The following CADM2 variants were observed in gnomAD, a reference collection of about 807,000 sequenced individuals.
CADM2 encodes cell adhesion molecule 2.
In CADM2, 12 loss-of-function variants were observed where a neutral mutation model predicts 49.8. The observed-to-expected ratio is 0.24, with a 90% CI of 0.15 to 0.39. The LOEUF is 0.39. Ranked by LOEUF, CADM2 falls within the 10% of genes least tolerant of loss-of-function variation. The probability of loss-of-function intolerance (pLI) is 1.00; values close to 1 mark genes in which losing one functional copy is unlikely to be tolerated. For synonymous variants in CADM2, 214 were observed against 175.4 expected (o/e 1.22, Z -1.74); for missense variants, 378 against 492.3 (o/e 0.77, Z 2.20).
chr3:85,545,114 A>T (rs575150444), intron 1 of CADM2, among the ~76,000 whole-genome samples: 3 of 152,248 alleles, frequency 2.0e-5, no homozygotes, highest in Non-Finnish European at 2.9e-5. Flanking sequence ...AAGCATGCTG[A>T]TGTGTTATTT....
At chr3:84,960,653 A>G (rs1361007417) in intron 1 of CADM2, among the ~76,000 whole-genome samples, 2 of 152,192 alleles carry the variant, frequency 1.3e-5, no homozygotes, top group Non-Finnish European at 2.9e-5. Context: ...CAGTGGAGGG[A>G]AACCGCACAA....
chr3:85,189,255 A>G (rs60782129), intron 1 of CADM2, among the ~76,000 whole-genome samples: 9,672 of 151,910 alleles, frequency 0.064, 1,014 homozygotes, highest in African/African-American at 0.22. Context: ...TGAAAGGAAG[A>G]TGTTTTTCTC....
chr3:85,612,757 A>G (rs1210666755), intron 1 of CADM2, among the ~76,000 whole-genome samples: 2 of 151,806 alleles, frequency 1.3e-5, no homozygotes, highest in African/African-American at 4.8e-5. Context: ...TTATAGCATA[A>G]TAGATACAAA....
At chr3:85,415,785 C>T (rs1205272454) in intron 1 of CADM2, among the ~76,000 whole-genome samples, 4 of 152,082 alleles carry the variant, frequency 2.6e-5, no homozygotes, top group Non-Finnish European at 5.9e-5. Context: ...GGATTTAAAA[C>T]TCATCTGCAG....
chr3:85,000,906 T>C (rs1168704115), intron 1 of CADM2, among the ~76,000 whole-genome samples: 2 of 152,092 alleles, frequency 1.3e-5, no homozygotes, highest in Non-Finnish European at 2.9e-5. Context: ...GAAAACAAAG[T>C]AAATGGCTTC....
chr3:85,447,336 A>G (rs1162325318), intron 1 of CADM2, among the ~76,000 whole-genome samples: 1 of 152,108 alleles, frequency 6.6e-6, no homozygotes, highest in Non-Finnish European at 1.5e-5. Flanking sequence ...AATTTGTGAT[A>G]GCCTTACTGT....
At chr3:85,157,431 T>A (rs2040165252) in intron 1 of CADM2, among the ~76,000 whole-genome samples, 1 of 152,128 alleles carries the variant, frequency 6.6e-6, no homozygotes, top group African/African-American at 2.4e-5. Flanking sequence ...ACTACCTGAC[T>A]TCAAACTATA....
chr3:85,997,553 C>A (rs931387527), intron 8 of CADM2, among the ~76,000 whole-genome samples: 3 of 152,010 alleles, frequency 2.0e-5, no homozygotes, highest in African/African-American at 7.3e-5. Flanking sequence ...AATAATAATT[C>A]ATCTTTTTGG....
intron 1 of CADM2, among the ~76,000 whole-genome samples, chr3:85,446,744 A>G (rs572502927): frequency 6.7e-6 from 1 of 149,840 alleles, no homozygotes; most frequent in South Asian, 2.1e-4. Flanking sequence ...CTGGGATTAT[A>G]GGCATGGGCC....
chr3:85,622,749 T>G (rs1322115378), intron 1 of CADM2, among the ~76,000 whole-genome samples: 1 of 152,178 alleles, frequency 6.6e-6, no homozygotes, highest in Non-Finnish European at 1.5e-5. Flanking sequence ...GCACTGCGTT[T>G]TAAGAATTTC....
At chr3:85,908,818 G>A (rs986830442) in intron 5 of CADM2, among the ~76,000 whole-genome samples, 14 of 151,616 alleles carry the variant, frequency 9.2e-5, no homozygotes, top group African/African-American at 3.1e-4. Flanking sequence ...TCCACTTCCC[G>A]GGTTCAAGCG....
chr3:85,899,180 G>T (rs559410897), intron 5 of CADM2, among the ~76,000 whole-genome samples: 1 of 151,122 alleles, frequency 6.6e-6, no homozygotes, highest in East Asian at 2.0e-4. Flanking sequence ...TGACCAGGCT[G>T]GTCTTGAACT....
intron 8 of CADM2, among the ~76,000 whole-genome samples, chr3:85,983,863 T>A (rs895771308): frequency 2.6e-5 from 4 of 151,526 alleles, no homozygotes; most frequent in African/African-American, 7.3e-5. Flanking sequence ...CTTTGAAGTA[T>A]AACAGTTCAT....
At position 85,885,034 on chromosome 3, in the gene CADM2, G is replaced by C. The variant is rs77363436; in HGVS notation, c.392-1156G>C. 9.8e-3 allele frequency among the ~76,000 whole-genome samples: 1,489 copies of C among 151,546 alleles called. 10 individuals carry two copies. The highest frequency in any genetic ancestry group is 0.016 in the Non-Finnish European group (1,079 of 67,870). ...GTACCTGGCCATAAAATACAGAGAT[G>C]ATAATATTCTTTTTAAGCTTTAAGA... On this transcript the variant is annotated intron_variant, in intron 4 of 9. Transcript: ENST00000383699.
chr3:85,319,974 T>G (rs1406957869), intron 1 of CADM2, among the ~76,000 whole-genome samples: 1 of 152,182 alleles, frequency 6.6e-6, no homozygotes, highest in African/African-American at 2.4e-5. Context: ...AAAGTAGGTA[T>G]CATTAAAATC....
intron 1 of CADM2, among the ~76,000 whole-genome samples, chr3:85,423,312 G>A (rs7638953): frequency 0.56 from 85,738 of 151,788 alleles, 25,243 homozygotes; most frequent in East Asian, 0.83. Context: ...GGTGCGTGGT[G>A]AGCCAGAAGA....
chr3:85,126,775 G>A (rs1290067020), intron 1 of CADM2, among the ~76,000 whole-genome samples: 1 of 151,998 alleles, frequency 6.6e-6, no homozygotes, highest in Non-Finnish European at 1.5e-5. Context: ...TGAGTAGATT[G>A]ATATCATTTT....
chr3:85,814,157 A>C (rs1184224092), intron 3 of CADM2, among the ~76,000 whole-genome samples: 4 of 151,954 alleles, frequency 2.6e-5, no homozygotes, highest in African/African-American at 9.7e-5. Context: ...CTCCATATTG[A>C]TTCTTCCTAT....
chr3:85,642,743 C>G (rs1446236585), intron 1 of CADM2, among the ~76,000 whole-genome samples: 1 of 152,054 alleles, frequency 6.6e-6, no homozygotes, highest in African/African-American at 2.4e-5. Context: ...AAAGATGATT[C>G]ATTATTCAGT....
Sources: allele counts gnomAD v4.1 joint callset (sites outside exome capture counted in the v4.1 genomes callset), GRCh38; gene constraint gnomAD v4.1.1; transcripts MANE v1.5; gene names NCBI Gene and HGNC (gene_info 2026-07-23, HGNC 2026-07-21).